Variants in CDCA2 observed in about 807,000 individuals in gnomAD.
CDCA2 encodes cell division cycle associated 2.
A neutral mutation model predicts 67.0 loss-of-function variants in CDCA2; 44 were observed. The observed-to-expected ratio is 0.66, with a 90% CI of 0.52 to 0.84. The LOEUF (loss-of-function observed/expected upper bound fraction) is 0.84. Among genes scored for constraint, CDCA2 ranks in the 40% least tolerant of loss-of-function variants. The pLI, the probability that CDCA2 is intolerant of heterozygous loss-of-function variation, is 0.00. For missense variants in CDCA2, 1,253 were observed against 1,203.2 expected (o/e 1.04, Z -0.61); for synonymous variants, 447 against 418.7 (o/e 1.07, Z -0.82).
chr8:25,486,492 A>C (rs1803780090), intron 11 of CDCA2, among the ~76,000 whole-genome samples: 1 of 152,012 alleles, frequency 6.6e-6, no homozygotes, highest in South Asian at 2.1e-4. Context: ...AACATATTAT[A>C]CCACCTTTCA....
rs535171116 is a variant in CDCA2 at position 25,496,853 on chromosome 8, T to C, written c.1672-6520T>C. ...TGATTGGCAAAGTCAACTAAAAATATAGAACTGAATCTCTAAACAAAATGT... is the reference window on the plus strand; with the variant it reads ...TGATTGGCAAAGTCAACTAAAAATACAGAACTGAATCTCTAAACAAAATGT... On this transcript the variant is annotated intron_variant, in intron 13 of 14. Coordinates refer to ENST00000330560, the MANE Select transcript of CDCA2 (RefSeq NM_152562.4). Among the ~76,000 whole-genome samples, 21 of 152,322 alleles carry C rather than the reference T, an allele frequency of 1.4e-4. 1 individual carries two copies. The highest frequency in any genetic ancestry group is 5.0e-4 in the African/African-American group (21 of 41,594).
chr8:25,469,737 CTCAGGATAAAGTATCTCCTGTACACTTT>C (rs1399464018), intron 6 of CDCA2, among the ~76,000 whole-genome samples, 131 bp from the exon 7 acceptor site: 1 of 6,506 alleles, frequency 1.5e-4, no homozygotes, highest in African/African-American at 4.8e-4. Context: ...GTACACTTTT[CTCAGGATAAAGTATCTCCTGTACACTTT>C]ATGAGATAAT....
At chr8:25,494,416 G>A (rs1025494415) in intron 13 of CDCA2, among the ~76,000 whole-genome samples, 2 of 152,038 alleles carry the variant, frequency 1.3e-5, no homozygotes, top group Admixed American at 6.5e-5. Flanking sequence ...ATTGTACTTG[G>A]TGTTAAGTCA....
At chr8:25,499,504 A>G (rs1804387696) in intron 13 of CDCA2, among the ~76,000 whole-genome samples, 1 of 151,736 alleles carries the variant, frequency 6.6e-6, no homozygotes, top group Non-Finnish European at 1.5e-5. Flanking sequence ...GGGTTTCGTC[A>G]TGTTGCCCAG....
chr8:25,474,089 A>G (rs1385250769), intron 7 of CDCA2, among the ~76,000 whole-genome samples: 3 of 152,354 alleles, frequency 2.0e-5, no homozygotes, highest in East Asian at 3.9e-4. Context: ...TCTTTATGTC[A>G]TGTATCACAT....
intron 7 of CDCA2, among the ~76,000 whole-genome samples, chr8:25,476,893 C>T (rs1013785964): frequency 6.6e-6 from 1 of 152,096 alleles, no homozygotes; most frequent in Non-Finnish European, 1.5e-5. Context: ...ATTGCTCCTT[C>T]TCCTTCTAAG....
At chr8:25,499,020 G>A (rs544763813) in intron 13 of CDCA2, among the ~76,000 whole-genome samples, 4 of 152,222 alleles carry the variant, frequency 2.6e-5, no homozygotes, top group African/African-American at 9.6e-5. Flanking sequence ...AAATAATCTG[G>A]GGTTAGGGGA....
chr8:25,491,861 G>A (rs1804017314), intron 13 of CDCA2, among the ~76,000 whole-genome samples: 1 of 152,080 alleles, frequency 6.6e-6, no homozygotes, highest in African/African-American at 2.4e-5. Context: ...AGTGATGCAT[G>A]ATCTTGGCTC....
Position 25,480,066 on chromosome 8 carries a change from T to C in CDCA2, c.974T>C (p.Phe325Ser), listed in dbSNP as rs773256078. 1.2e-5 allele frequency: 20 copies of C among 1,614,168 alleles called. No individual in the cohort carries two copies. Among genetic ancestry groups the C allele is most frequent in the Non-Finnish European group, 1.6e-5 (19 of 1,180,044 alleles). The change falls in exon 8 of 15, where the codon TTT becomes TCT. Residue 325 changes from phenylalanine to serine, a missense_variant. Coordinates refer to ENST00000330560, the MANE Select transcript of CDCA2 (RefSeq NM_152562.4). ...CRRDLPTPKT[F>S]VLRSVLKKPS... ...AGGGACCTTCCCACCCCCAAGACCT[T>C]TGTACTTCGTTCTGTACTGAAGAAA...
intron 4 of CDCA2, among the ~76,000 whole-genome samples, chr8:25,463,974 C>T (rs1013007499): frequency 6.6e-6 from 1 of 152,190 alleles, no homozygotes; most frequent in African/African-American, 2.4e-5. Context: ...TTGGCTTCAA[C>T]TCAGATTTTA....
At chr8:25,474,325 T>C (rs945797499) in intron 7 of CDCA2, among the ~76,000 whole-genome samples, 1 of 152,222 alleles carries the variant, frequency 6.6e-6, no homozygotes, top group Non-Finnish European at 1.5e-5. Context: ...TTCTCTACTT[T>C]TATTTGTTTT....
At chr8:25,486,814 C>CA (rs1414380842) in intron 11 of CDCA2, among the ~76,000 whole-genome samples, 1 of 151,226 alleles carries the variant, frequency 6.6e-6, no homozygotes, top group East Asian at 1.9e-4. Context: ...GACTCCATCT[C>CA]AAAAAAAACA....
rs773252722 is a variant in CDCA2, at chr8:25,507,715, C to T, written c.3049C>T (p.His1017Tyr). 2 of 1,610,662 alleles carry T rather than the reference C, an allele frequency of 1.2e-6. No individual in the cohort carries two copies. Among genetic ancestry groups the T allele is most frequent in the Non-Finnish European group, 1.7e-6 (2 of 1,179,098 alleles). ...SSLTALERIEHNGERKQ is the reference protein window; with the variant it reads ...SSLTALERIEYNGERKQ ...TCTGACTGCCTTGGAAAGGATTGAA[C>T]ATAATGGAGAAAGAAAGCAGTAATT... The change falls in exon 15 of 15, where the codon CAT (histidine) becomes TAT (tyrosine). Residue 1017 changes from histidine to tyrosine, a missense_variant. Physicochemically the swap from His to Tyr is moderately conservative, Grantham distance 83. Coordinates refer to ENST00000330560, the MANE Select transcript of CDCA2 (RefSeq NM_152562.4).
chr8:25,462,488 G>A (rs1802735957), intron 4 of CDCA2, among the ~76,000 whole-genome samples: 1 of 104,494 alleles, frequency 9.6e-6, no homozygotes, highest in Admixed American at 9.5e-5. Flanking sequence ...TTAGCTGGGT[G>A]TGGTGGCAGG....
At chr8:25,506,408 A>T in intron 14 of CDCA2, 102 bp from the exon 15 acceptor site, 1 of 1,135,922 alleles carries the variant, frequency 8.8e-7, no homozygotes, top group Non-Finnish European at 1.2e-6. Context: ...GTGAATGCTT[A>T]AAACACAAAA....
chr8:25,490,269 G>A (rs530155615), intron 13 of CDCA2, among the ~76,000 whole-genome samples: 18 of 151,904 alleles, frequency 1.2e-4, no homozygotes, highest in African/African-American at 4.1e-4. Context: ...TAAAATTACG[G>A]CCAGAAAGTA....
intron 7 of CDCA2, chr8:25,479,547 A>G (rs796099388): frequency 5.1e-5 from 13 of 257,340 alleles, no homozygotes; most frequent in African/African-American, 2.2e-4. Context: ...TTATTAGTCA[A>G]TGCTTGGCTC....
At chr8:25,473,019 C>G (rs1019300010) in intron 7 of CDCA2, among the ~76,000 whole-genome samples, 2 of 152,216 alleles carry the variant, frequency 1.3e-5, no homozygotes, top group African/African-American at 4.8e-5. Context: ...TTCCTCACCA[C>G]TTCTACAGCC....
At chr8:25,469,846 A>T in intron 6 of CDCA2, 50 bp from the exon 7 acceptor site, 1 of 1,145,262 alleles carries the variant, frequency 8.7e-7, no homozygotes, top group Non-Finnish European at 1.3e-6. Flanking sequence ...AAAAGGCATT[A>T]GTAGTACTCT....
Sources: allele counts gnomAD v4.1 joint callset (sites outside exome capture counted in the v4.1 genomes callset), GRCh38; gene constraint gnomAD v4.1.1; transcripts MANE v1.5; gene names NCBI Gene and HGNC (gene_info 2026-07-23, HGNC 2026-07-21).